DYM: variants seen among roughly 807,000 people sequenced by gnomAD.
The protein encoded by DYM is dyggve-Melchior-Clausen syndrome protein.
A neutral mutation model predicts 93.1 loss-of-function variants in DYM; 78 were observed. The ratio of observed to expected loss-of-function variants is 0.84; its 90% confidence interval spans 0.70 to 1.01. The LOEUF (loss-of-function observed/expected upper bound fraction) is 1.01, where lower values mean the gene tolerates loss of function less well. DYM is among the 50% of genes least tolerant of loss of function. The pLI, the probability that DYM is intolerant of heterozygous loss-of-function variation, is 0.00. For missense variants in DYM, 789 were observed against 845.0 expected (o/e 0.93, Z 0.82); for synonymous variants, 321 against 319.7 (o/e 1.00, Z -0.04).
At chr18:49,297,087 T>G (rs555368535) in intron 8 of DYM, among the ~76,000 whole-genome samples, 5 of 152,342 alleles carry the variant, frequency 3.3e-5, no homozygotes, top group Admixed American at 2.6e-4. Context: ...GAAAAGGATG[T>G]TATCTTCAAA....
intron 16 of DYM, among the ~76,000 whole-genome samples, chr18:49,104,615 C>T (rs528095662): frequency 6.2e-4 from 95 of 152,266 alleles, no homozygotes; most frequent in African/African-American, 2.3e-3. Context: ...GAGTTTTTAG[C>T]ATGAAGTGTT....
intron 13 of DYM, among the ~76,000 whole-genome samples, chr18:49,219,431 A>C (rs1209132836): frequency 6.6e-6 from 1 of 152,198 alleles, no homozygotes; most frequent in Non-Finnish European, 1.5e-5. Flanking sequence ...CCTGATACCA[A>C]AGCCTGGCAG....
intron 14 of DYM, among the ~76,000 whole-genome samples, chr18:49,185,078 G>C (rs2090313702): frequency 2.0e-5 from 3 of 152,126 alleles, no homozygotes. Flanking sequence ...TTGAGAAAGA[G>C]TATTTCAATA....
At chr18:49,223,304 G>T (rs1267235254) in intron 13 of DYM, among the ~76,000 whole-genome samples, 1 of 152,092 alleles carries the variant, frequency 6.6e-6, no homozygotes, top group Non-Finnish European at 1.5e-5. Context: ...GTAGCAAATA[G>T]TTGCAGTCTG....
chr18:49,348,907 C>CAAAA lies in DYM; in HGVS notation c.494+14250_494+14253dup, dbSNP rs11398177. On this transcript the variant is annotated intron_variant, in intron 6 of 17. Transcript: ENST00000675505. Reference sequence around the variant, plus strand: ...CGGGTAACAGAGTGAGACTCCTCACCAAAAAAAAAAAAAAACCACACCAGA... The same window carrying CAAAA: ...CGGGTAACAGAGTGAGACTCCTCACCAAAAAAAAAAAAAAAAAAACCACACCAGA... Among the ~76,000 whole-genome samples, 4 of 123,238 alleles carry CAAAA rather than the reference C, an allele frequency of 3.2e-5. 1 individual carries two copies. Among genetic ancestry groups the CAAAA allele is most frequent in the Admixed American group, 8.4e-5 (1 of 11,974 alleles). The allele number at this position is 123,238 out of a possible 152,430, so 80.8% of individuals were successfully genotyped here. A position where few individuals can be genotyped will look rare whatever the true frequency, so the allele number is the denominator to read the frequency against.
intron 13 of DYM, among the ~76,000 whole-genome samples, chr18:49,216,589 G>A (rs2093060381): frequency 6.6e-6 from 1 of 152,148 alleles, no homozygotes. Flanking sequence ...CAGCATTCGT[G>A]GTTCATGAAA....
chr18:49,445,322 AG>A (rs1209118277), intron 1 of DYM, among the ~76,000 whole-genome samples: 2 of 152,244 alleles, frequency 1.3e-5, no homozygotes, highest in Non-Finnish European at 1.5e-5. Flanking sequence ...TTATAGAGCT[AG>A]AAAGTGGCAC....
intron 6 of DYM, among the ~76,000 whole-genome samples, chr18:49,337,898 C>T (rs1260452214): frequency 6.6e-6 from 1 of 151,740 alleles, no homozygotes; most frequent in East Asian, 1.9e-4. Flanking sequence ...CAAAGGCAGC[C>T]ACAAAAAGGT....
Position 49,237,563 on chromosome 18 carries a change from T to C in DYM, c.1460+19447A>G, listed in dbSNP as rs148857690. On this transcript the variant is annotated intron_variant, in intron 13 of 17. Transcript: ENST00000675505. ...TAATCAGCTTATGTTACTTTTGTTC[T>C]TTGAGTTATTTTTGAATCATTTATT... is the stretch of plus-strand genomic sequence containing the variant. Among the ~76,000 whole-genome samples the C allele has an allele frequency of 1.1e-3, 165 of 152,358 alleles. 3 individuals are homozygous for C. In the East Asian group the frequency reaches 0.024, roughly 22 times the overall value.
At chr18:49,413,004 A>G (rs946450487) in intron 2 of DYM, 1 of 152,228 alleles carries the variant, frequency 6.6e-6, no homozygotes, top group Admixed American at 6.5e-5. Context: ...GATGGCACTC[A>G]AGATTCCTCT....
chr18:49,067,626 T>A (rs933786996), intron 17 of DYM, among the ~76,000 whole-genome samples: 1 of 152,046 alleles, frequency 6.6e-6, no homozygotes, highest in African/African-American at 2.4e-5. Context: ...TTCAGAGAAC[T>A]GGGAGGGATC....
intron 15 of DYM, among the ~76,000 whole-genome samples, chr18:49,145,968 A>G (rs182653581): frequency 7.2e-5 from 11 of 152,214 alleles, no homozygotes; most frequent in Admixed American, 6.5e-4. Flanking sequence ...ATAACTTTAT[A>G]TAACTCCCTA....
intron 3 of DYM, among the ~76,000 whole-genome samples, chr18:49,387,044 G>C (rs896965379): frequency 1.3e-5 from 2 of 150,518 alleles, no homozygotes; most frequent in African/African-American, 4.9e-5. Context: ...CCAGGCTCAA[G>C]AGATCTTCCC....
chr18:49,040,926 A>G lies in DYM; in HGVS notation c.*3129T>C, dbSNP rs2070888111. On this transcript the variant is annotated 3_prime_UTR_variant, in exon 18 of 18. Transcript: ENST00000675505. Reference sequence around the variant, plus strand: ...TAAATATTTCTCTTGGATGTACCTTAGCAAGCTCTTAGGAAGTTGCTGAGT... The same window carrying G: ...TAAATATTTCTCTTGGATGTACCTTGGCAAGCTCTTAGGAAGTTGCTGAGT... Among the ~76,000 whole-genome samples, 1 of 152,240 alleles carries G rather than the reference A, an allele frequency of 6.6e-6. No individual in the cohort carries two copies. Among genetic ancestry groups the G allele is most frequent in the Non-Finnish European group, 1.5e-5 (1 of 68,034 alleles).
intron 2 of DYM, among the ~76,000 whole-genome samples, chr18:49,396,693 T>C (rs771302513): frequency 2.6e-5 from 4 of 152,150 alleles, no homozygotes; most frequent in African/African-American, 4.8e-5. Context: ...CATCAATGGA[T>C]GAATTTTTTT....
At chr18:49,113,049 A>G (rs2081571772) in intron 16 of DYM, among the ~76,000 whole-genome samples, 1 of 152,142 alleles carries the variant, frequency 6.6e-6, no homozygotes, top group Non-Finnish European at 1.5e-5. Context: ...TTGGGATAAG[A>G]AAGACTATAG....
intron 13 of DYM, among the ~76,000 whole-genome samples, chr18:49,245,199 G>C (rs73443839): frequency 6.6e-6 from 1 of 152,038 alleles, no homozygotes; most frequent in South Asian, 2.1e-4. Context: ...TGTCACTTCG[G>C]GATTCTGTGA....
chr18:49,168,970 G>A (rs2088288482), intron 14 of DYM, among the ~76,000 whole-genome samples: 1 of 152,148 alleles, frequency 6.6e-6, no homozygotes, highest in Non-Finnish European at 1.5e-5. Flanking sequence ...ACAGGGGTGA[G>A]AAGTGGCAAG....
At chr18:49,064,557 C>G (rs1203605939) in intron 17 of DYM, among the ~76,000 whole-genome samples, 1 of 152,126 alleles carries the variant, frequency 6.6e-6, no homozygotes, top group Non-Finnish European at 1.5e-5. Flanking sequence ...GAGGGCCGCT[C>G]TATGATCTAT....
Sources: allele counts gnomAD v4.1 joint callset (sites outside exome capture counted in the v4.1 genomes callset), GRCh38; gene constraint gnomAD v4.1.1; transcripts MANE v1.5; gene names NCBI Gene and HGNC (gene_info 2026-07-23, HGNC 2026-07-21).